Variants in LPP observed in about 807,000 individuals in gnomAD.
LPP encodes the protein LIM domain containing preferred translocation partner in lipoma, also known as lipoma-preferred partner.
A neutral mutation model predicts 60.4 loss-of-function variants in LPP; 38 were observed. That is an observed-to-expected ratio of 0.63 (90% CI 0.49 to 0.83). The LOEUF is 0.83. Among genes scored for constraint, LPP ranks in the 40% least tolerant of loss-of-function variants. The pLI is 0.00. For missense variants in LPP, 902 were observed against 783.6 expected (o/e 1.15, Z -1.80); for synonymous variants, 328 against 290.8 (o/e 1.13, Z -1.30).
intron 3 of LPP, among the ~76,000 whole-genome samples, chr3:188,361,676 C>T (rs1437996678): frequency 6.6e-6 from 1 of 151,998 alleles, no homozygotes; most frequent in Non-Finnish European, 1.5e-5. Context: ...AAGCGATTCT[C>T]ATGCCTCAGC....
intron 8 of LPP, among the ~76,000 whole-genome samples, chr3:188,742,338 C>T (rs1214200679): frequency 2.0e-5 from 3 of 151,936 alleles, no homozygotes; most frequent in Admixed American, 6.6e-5. Context: ...AAGGCTTGTA[C>T]ACAAATGTTC....
rs550902868 is a variant in LPP, at chr3:188,812,773, C to T, written c.1410+52491C>T. ...GGAGCTAATTATACTCTCTCACTCT[C>T]CCTCTCTCTCTCTCTCTCTCTCGCT... On this transcript the variant is annotated intron_variant, in intron 9 of 11. Coordinates refer to ENST00000617246, the MANE Select transcript of LPP (RefSeq NM_001375462.1). 6.6e-3 allele frequency among the ~76,000 whole-genome samples: 729 copies of T among 110,830 alleles called. 4 individuals are homozygous for T. The highest frequency in any genetic ancestry group is 0.026 in the African/African-American group (697 of 26,506). The allele number at this position is 110,830 out of a possible 152,430, so 72.7% of individuals were successfully genotyped here.
At chr3:188,293,284 T>C (rs139715294) in intron 2 of LPP, among the ~76,000 whole-genome samples, 2 of 152,336 alleles carry the variant, frequency 1.3e-5, no homozygotes, top group East Asian at 3.9e-4. Context: ...TTGGATGTTG[T>C]TCCTCTAGTA....
intron 6 of LPP, among the ~76,000 whole-genome samples, chr3:188,559,339 C>T (rs1830167120): frequency 6.6e-6 from 1 of 151,888 alleles, no homozygotes. Context: ...CCTAAATGTT[C>T]TATCAGATAT....
chr3:188,525,527 T>C lies in LPP; in HGVS notation c.429+740T>C, dbSNP rs1420584172. The stretch of plus-strand genomic sequence containing the variant: ...TCACAAATATGACTTAGCTTGGCTA[T>C]GTAAGGTTAAGGTGAAGGGCTGTGT... On this transcript the variant is annotated intron_variant, in intron 6 of 11. Transcript: ENST00000617246. Among the ~76,000 whole-genome samples the C allele has an allele frequency of 2.6e-5, 4 of 152,206 alleles. No individual in the cohort carries two copies. In the East Asian group the frequency reaches 7.7e-4, roughly 29 times the overall value.
chr3:188,448,777 A>G (rs1019301909), intron 4 of LPP, among the ~76,000 whole-genome samples: 1 of 152,130 alleles, frequency 6.6e-6, no homozygotes, highest in African/African-American at 2.4e-5. Context: ...ATTTTGCACT[A>G]TTTCTTAGTG....
rs369221451 is a variant in LPP at position 188,751,417 on chromosome 3, A to G, written c.1241-8696A>G. 2.1e-4 allele frequency among the ~76,000 whole-genome samples: 32 copies of G among 152,380 alleles called. 2 individuals are homozygous for G. Among genetic ancestry groups the G allele is most frequent in the South Asian group, 1.7e-3 (8 of 4,834 alleles). ...ATCAATCATGAAATGAATTCTAAATATAGAAGACTGGTTAAAAAATTAAGA... is the reference window on the plus strand; with the variant it reads ...ATCAATCATGAAATGAATTCTAAATGTAGAAGACTGGTTAAAAAATTAAGA... On this transcript the variant is annotated intron_variant, in intron 8 of 11. Coordinates refer to ENST00000617246, the MANE Select transcript of LPP (RefSeq NM_001375462.1).
chr3:188,534,876 A>G (rs1346516507), intron 6 of LPP, among the ~76,000 whole-genome samples: 1 of 152,216 alleles, frequency 6.6e-6, no homozygotes, highest in Non-Finnish European at 1.5e-5. Context: ...ACAAAATATC[A>G]CATTGGAATG....
In LPP at chr3:188,641,134, C is replaced by G. The variant is rs541543959; in HGVS notation, c.1113+31290C>G. Among the ~76,000 whole-genome samples, 65 of 152,028 alleles carry G rather than the reference C, an allele frequency of 4.3e-4. No homozygotes were observed. The South Asian group carries it at 7.1e-3, about 17-fold the overall frequency. ...CTCCACATTTCTGATTTGCAGGAAACTGCGTTATGCATTTCCCTTGGATGA... is the reference window on the plus strand; with the variant it reads ...CTCCACATTTCTGATTTGCAGGAAAGTGCGTTATGCATTTCCCTTGGATGA... On this transcript the variant is annotated intron_variant, in intron 7 of 11. Coordinates refer to ENST00000617246, the MANE Select transcript of LPP (RefSeq NM_001375462.1).
intron 9 of LPP, among the ~76,000 whole-genome samples, chr3:188,826,776 C>T (rs539506666): frequency 8.5e-5 from 13 of 152,120 alleles, no homozygotes; most frequent in Admixed American, 8.5e-4. Flanking sequence ...TCTCTGGACC[C>T]CCCCCACTCT....
At chr3:188,396,984 A>G (rs1212791035) in intron 3 of LPP, among the ~76,000 whole-genome samples, 1 of 152,220 alleles carries the variant, frequency 6.6e-6, no homozygotes, top group East Asian at 1.9e-4. Context: ...TTACTTTGCC[A>G]CGTGGAACAA....
At chr3:188,583,552 T>A (rs1388555929) in intron 6 of LPP, among the ~76,000 whole-genome samples, 1 of 152,176 alleles carries the variant, frequency 6.6e-6, no homozygotes, top group African/African-American at 2.4e-5. Context: ...CCTTCCACCC[T>A]GCAAATGATC....
intron 4 of LPP, chr3:188,472,433 G>A (rs1223562004): frequency 1.3e-5 from 2 of 152,062 alleles, no homozygotes; most frequent in Admixed American, 6.6e-5. Context: ...AATGAAATGA[G>A]TGTCTCTATT....
chr3:188,770,434 G>A (rs1035420867), intron 9 of LPP, among the ~76,000 whole-genome samples: 3 of 148,614 alleles, frequency 2.0e-5, no homozygotes, highest in East Asian at 2.0e-4. Flanking sequence ...CTCATGATCC[G>A]CCTGCCTTGG....
intron 9 of LPP, among the ~76,000 whole-genome samples, chr3:188,760,856 A>G (rs1732073937): frequency 6.6e-6 from 1 of 152,226 alleles, no homozygotes; most frequent in Non-Finnish European, 1.5e-5. Context: ...AGAAATGAAC[A>G]GTAATGCTGA....
chr3:188,841,830 A>T (rs1169690087), intron 9 of LPP, among the ~76,000 whole-genome samples: 1 of 152,110 alleles, frequency 6.6e-6, no homozygotes, highest in Non-Finnish European at 1.5e-5. Flanking sequence ...TTTACTCATG[A>T]CTTGGCTCTC....
At chr3:188,618,435 T>C (rs1407929242) in intron 7 of LPP, among the ~76,000 whole-genome samples, 1 of 152,238 alleles carries the variant, frequency 6.6e-6, no homozygotes, top group East Asian at 1.9e-4. Context: ...GCAACTTCTT[T>C]AGTATCCTAC....
chr3:188,771,515 A>ACT, intron 9 of LPP, among the ~76,000 whole-genome samples: 1 of 140,806 alleles, frequency 7.1e-6, no homozygotes, highest in East Asian at 2.2e-4. Flanking sequence ...GTGCCACTGC[A>ACT]CTCCAGCCTG....
At chr3:188,344,787 T>C (rs1763899794) in intron 3 of LPP, among the ~76,000 whole-genome samples, 1 of 152,196 alleles carries the variant, frequency 6.6e-6, no homozygotes, top group Non-Finnish European at 1.5e-5. Context: ...GGTAGTCCCT[T>C]ACCCCAGCAA....
Sources: gnomAD v4.1 joint callset for allele counts (sites outside exome capture counted in the v4.1 genomes callset) on GRCh38, gnomAD v4.1.1 for gene constraint, MANE v1.5 for transcripts, NCBI Gene and HGNC (gene_info 2026-07-23, HGNC 2026-07-21) for gene names.